The following TENM2 variants were observed in gnomAD, a reference collection of about 807,000 sequenced individuals.
TENM2 encodes teneurin transmembrane protein 2, also known as teneurin-2.
TENM2 carries 52 observed loss-of-function variants against 245.2 expected under a neutral mutation model. That is an observed-to-expected ratio of 0.21 (90% CI 0.17 to 0.27). The LOEUF (loss-of-function observed/expected upper bound fraction) is 0.27, where lower values mean the gene tolerates loss of function less well. Ranked by LOEUF, TENM2 falls within the 10% of genes least tolerant of loss-of-function variation. TENM2 has a pLI of 1.00. For missense variants in TENM2, 3,046 were observed against 3,666.8 expected (o/e 0.83, Z 4.37); for synonymous variants, 1,363 against 1,438.9 (o/e 0.95, Z 1.19).
At chr5:167,559,124 T>C (rs968000429) in intron 2 of TENM2, among the ~76,000 whole-genome samples, 1 of 152,186 alleles carries the variant, frequency 6.6e-6, no homozygotes, top group African/African-American at 2.4e-5. Context: ...GTGACACCCA[T>C]AACCTCAAAT....
chr5:168,243,937 G>GTTTTTT (rs1170318631), intron 25 of TENM2, among the ~76,000 whole-genome samples: 1 of 125,522 alleles, frequency 8.0e-6, no homozygotes, highest in Non-Finnish European at 1.7e-5. Context: ...CTTTTCTTTG[G>GTTTTTT]TTTTTTTTTT....
chr5:167,313,451 A>C (rs1473944976), intron 1 of TENM2, among the ~76,000 whole-genome samples: 3 of 152,138 alleles, frequency 2.0e-5, no homozygotes, highest in Admixed American at 1.3e-4. Flanking sequence ...AGCCTGACCA[A>C]ATTTGTGAAA....
chr5:167,757,575 A>G (rs953307252), intron 2 of TENM2, among the ~76,000 whole-genome samples: 3 of 152,206 alleles, frequency 2.0e-5, no homozygotes, highest in Admixed American at 2.0e-4. Context: ...TCTTTATAGC[A>G]GAATGATTTA....
chr5:167,692,610 T>C (rs1299186534), intron 2 of TENM2, among the ~76,000 whole-genome samples: 1 of 152,200 alleles, frequency 6.6e-6, no homozygotes, highest in Non-Finnish European at 1.5e-5. Flanking sequence ...ACTTTAAAAA[T>C]ATATACCTCC....
rs189633267 is a variant in TENM2 at position 167,473,302 on chromosome 5, C to T, written c.502+97829C>T. The stretch of plus-strand genomic sequence containing the variant: ...CTTACTCTTATTGATGTTAACAATA[C>T]TGTTTTTTTGTCATTGTTTCTTTAC... On this transcript the variant is annotated intron_variant, in intron 2 of 28. Coordinates refer to ENST00000518659, the Ensembl canonical transcript of TENM2. Among the ~76,000 whole-genome samples the T allele has an allele frequency of 3.6e-3, 555 of 152,152 alleles. 6 individuals carry two copies. Among genetic ancestry groups the T allele is most frequent in the African/African-American group, 0.013 (531 of 41,516 alleles).
At chr5:167,002,691 C>T in the TENM2 span, among the ~76,000 whole-genome samples, 4 of 151,794 alleles carry the variant, frequency 2.6e-5, no homozygotes, top group Admixed American at 6.6e-5. Flanking sequence ...CCCTGTTCTT[C>T]GAGCCCAGGA....
the TENM2 span, among the ~76,000 whole-genome samples, chr5:167,001,065 C>T: frequency 1.3e-5 from 2 of 151,846 alleles, no homozygotes; most frequent in Non-Finnish European, 1.5e-5. Context: ...GTGGAAGTTT[C>T]GAGTTAGGAA....
chr5:167,880,618 C>A (rs1261570635), intron 3 of TENM2, among the ~76,000 whole-genome samples: 2 of 152,118 alleles, frequency 1.3e-5, no homozygotes, highest in African/African-American at 4.8e-5. Context: ...CATAAAGGAG[C>A]TCATGTGTGT....
chr5:167,909,838 A>G (rs1480217431), intron 3 of TENM2, among the ~76,000 whole-genome samples: 1 of 152,100 alleles, frequency 6.6e-6, no homozygotes. Flanking sequence ...AGGATAGACT[A>G]TTAAAGTCAT....
Position 167,446,764 on chromosome 5 carries a change from T to A in TENM2, c.502+71291T>A, listed in dbSNP as rs550199626. On this transcript the variant is annotated intron_variant, in intron 2 of 28. Coordinates refer to ENST00000518659, the Ensembl canonical transcript of TENM2. ...TGACTTAGCTAGTGTCTTAATTTTT[T>A]ACTCACCCCATCTCAGTTTTTGAAA... 2.0e-5 allele frequency among the ~76,000 whole-genome samples: 3 copies of A among 149,934 alleles called. No homozygotes were observed. The South Asian group carries it at 6.4e-4, about 32-fold the overall frequency.
chr5:167,474,704 C>A (rs1332636263), intron 2 of TENM2, among the ~76,000 whole-genome samples: 2 of 151,972 alleles, frequency 1.3e-5, no homozygotes, highest in South Asian at 2.1e-4. Flanking sequence ...TTAGTAGAGA[C>A]AGGGTTTCGC....
intron 2 of TENM2, among the ~76,000 whole-genome samples, chr5:167,710,705 A>C (rs1008294923): frequency 1.3e-5 from 2 of 152,142 alleles, no homozygotes; most frequent in African/African-American, 4.8e-5. Context: ...GGGCAGGTTA[A>C]TAAATCCAGA....
intron 1 of TENM2, among the ~76,000 whole-genome samples, chr5:167,355,851 A>G (rs1054704683): frequency 4.0e-5 from 6 of 149,282 alleles, no homozygotes; most frequent in Non-Finnish European, 7.4e-5. Context: ...GAAGCAATCT[A>G]AAAGAAATGA....
chr5:167,019,024 C>T, the TENM2 span, among the ~76,000 whole-genome samples: 7 of 152,190 alleles, frequency 4.6e-5, no homozygotes, highest in African/African-American at 1.7e-4. Context: ...CTTCTCAGGT[C>T]TGGTCTTCAG....
chr5:167,996,072 G>A (rs140583067), intron 5 of TENM2, among the ~76,000 whole-genome samples: 5 of 152,140 alleles, frequency 3.3e-5, no homozygotes, highest in East Asian at 1.9e-4. Context: ...GCCAGGCACC[G>A]TGACAAATAA....
the TENM2 span, among the ~76,000 whole-genome samples, chr5:167,181,000 C>G: frequency 6.6e-6 from 1 of 151,712 alleles, no homozygotes; most frequent in Admixed American, 6.6e-5. Flanking sequence ...ATGGGACCTA[C>G]GCAGTTCAAA....
At chr5:167,205,316 G>A in the TENM2 span, among the ~76,000 whole-genome samples, 1 of 152,142 alleles carries the variant, frequency 6.6e-6, no homozygotes, top group African/African-American at 2.4e-5. Flanking sequence ...GGGAGGTGGA[G>A]GTTGCAGTGA....
chr5:168,075,186 G>A (rs1390761540), intron 7 of TENM2, among the ~76,000 whole-genome samples: 3 of 152,172 alleles, frequency 2.0e-5, no homozygotes, highest in Non-Finnish European at 4.4e-5. Context: ...AACATACAAT[G>A]TTTGGTTTTC....
intron 6 of TENM2, among the ~76,000 whole-genome samples, chr5:168,054,825 T>C (rs1789404118): frequency 6.6e-6 from 1 of 152,214 alleles, no homozygotes; most frequent in Non-Finnish European, 1.5e-5. Flanking sequence ...AGTTGGACTA[T>C]CCTGTAAAAT....
Sources: gnomAD v4.1 joint callset for allele counts (sites outside exome capture counted in the v4.1 genomes callset) on GRCh38, gnomAD v4.1.1 for gene constraint, MANE v1.5 for transcripts, NCBI Gene and HGNC (gene_info 2026-07-23, HGNC 2026-07-21) for gene names.